The following ITFG1 variants were observed in gnomAD, a reference collection of about 807,000 sequenced individuals.
The protein encoded by ITFG1 is integrin alpha FG-GAP repeat containing 1.
In ITFG1, 34 loss-of-function variants were observed where a neutral mutation model predicts 81.8. The ratio of observed to expected loss-of-function variants is 0.42; its 90% CI spans 0.32 to 0.55. The LOEUF is 0.55. ITFG1 is among the 20% of genes least tolerant of loss of function. The probability of loss-of-function intolerance (pLI) is 0.17; values close to 1 mark genes in which losing one functional copy is unlikely to be tolerated. For missense variants in ITFG1, 672 were observed against 755.4 expected, an observed-to-expected ratio of 0.89 and a Z score of 1.29; for synonymous variants, 285 against 270.6, an observed-to-expected ratio of 1.05 and a Z score of -0.52.
intron 6 of ITFG1, 100 bp from the exon 7 acceptor site, chr16:47,376,040 A>C (rs939174737): frequency 1.6e-6 from 1 of 628,134 alleles, no homozygotes. Flanking sequence ...AATTGACACA[A>C]TTCTACTTAA....
intron 8 of ITFG1, among the ~76,000 whole-genome samples, chr16:47,345,310 TG>T (rs1967837787): frequency 6.6e-6 from 1 of 151,920 alleles, no homozygotes; most frequent in Non-Finnish European, 1.5e-5. Context: ...TTTGTTTGTT[TG>T]TTTTTTTTAG....
intron 5 of ITFG1, chr16:47,448,445 A>C (rs971385807): frequency 1.3e-5 from 2 of 152,178 alleles, no homozygotes; most frequent in African/African-American, 4.8e-5. Context: ...GATTGCTTTC[A>C]GTGCTACTTA....
intron 6 of ITFG1, among the ~76,000 whole-genome samples, chr16:47,415,997 G>T (rs1968869465): frequency 6.6e-6 from 1 of 152,156 alleles, no homozygotes; most frequent in Admixed American, 6.5e-5. Context: ...AGGGGGCTGA[G>T]GCAGGAGAAT....
At chr16:47,348,666 C>A (rs991745266) in intron 8 of ITFG1, among the ~76,000 whole-genome samples, 1 of 152,122 alleles carries the variant, frequency 6.6e-6, no homozygotes. Context: ...ACTTCCCCAA[C>A]CTAGCAAGGC....
At chr16:47,271,896 T>C (rs1282753197) in intron 10 of ITFG1, among the ~76,000 whole-genome samples, 4 of 152,042 alleles carry the variant, frequency 2.6e-5, no homozygotes, top group Non-Finnish European at 5.9e-5. Flanking sequence ...GTTCCACCTC[T>C]AAAGAATATT....
At chr16:47,181,487 G>A (rs1282031370) in intron 14 of ITFG1, among the ~76,000 whole-genome samples, 6 of 139,060 alleles carry the variant, frequency 4.3e-5, no homozygotes, top group South Asian at 4.6e-4. Context: ...CAGCCGCCCC[G>A]TCCGGGAGGG....
chr16:47,372,036 C>T (rs1480170977), intron 7 of ITFG1, among the ~76,000 whole-genome samples: 4 of 152,006 alleles, frequency 2.6e-5, no homozygotes, highest in Non-Finnish European at 5.9e-5. Flanking sequence ...ACCTCAGCCC[C>T]CCAGTAGCTG....
At chr16:47,383,120 T>C (rs1968416013) in intron 6 of ITFG1, among the ~76,000 whole-genome samples, 1 of 152,144 alleles carries the variant, frequency 6.6e-6, no homozygotes, top group African/African-American at 2.4e-5. Context: ...TATGGGTTAA[T>C]AGACATTAAT....
chr16:47,206,671 A>C lies in ITFG1; in HGVS notation c.1453+12197T>G, dbSNP rs1251051379. Among the ~76,000 whole-genome samples, 4 of 152,216 alleles carry C rather than the reference A, an allele frequency of 2.6e-5. No homozygotes were observed. The East Asian group carries it at 7.7e-4, about 29-fold the overall frequency. ...GCTTCTTTCATTTAGCAGGTATTCA[A>C]GGTTCTTCCTCAGATTTCACTCTTG... On this transcript the variant is annotated intron_variant, in intron 14 of 17. Coordinates refer to ENST00000320640, the MANE Select transcript of ITFG1 (RefSeq NM_030790.5).
At chr16:47,310,665 T>C (rs1967243850) in intron 10 of ITFG1, among the ~76,000 whole-genome samples, 1 of 152,226 alleles carries the variant, frequency 6.6e-6, no homozygotes, top group Non-Finnish European at 1.5e-5. Flanking sequence ...ATTTCCAGTG[T>C]CATTACAAAA....
intron 14 of ITFG1, among the ~76,000 whole-genome samples, chr16:47,206,261 C>A (rs1158456599): frequency 6.6e-6 from 1 of 152,176 alleles, no homozygotes; most frequent in Non-Finnish European, 1.5e-5. Flanking sequence ...CACATGATTA[C>A]CTCCCCCATC....
rs150812546 is a variant in ITFG1, at chr16:47,435,574, T to C, written c.561-6676A>G. Among the ~76,000 whole-genome samples the C allele has an allele frequency of 1.6e-3, 250 of 152,362 alleles. 2 individuals carry two copies. Among genetic ancestry groups the C allele is most frequent in the African/African-American group, 5.6e-3 (231 of 41,586 alleles). ...ATGTAATTAATGTCAGCTGTAGCTT[T>C]TGGTTGCCTGTGGTAACTGTTCTTC... On this transcript the variant is annotated intron_variant, in intron 5 of 17. Coordinates refer to ENST00000320640, the MANE Select transcript of ITFG1 (RefSeq NM_030790.5).
intron 14 of ITFG1, among the ~76,000 whole-genome samples, chr16:47,209,950 G>A (rs189143817): frequency 6.6e-6 from 1 of 152,246 alleles, no homozygotes; most frequent in Admixed American, 6.5e-5. Flanking sequence ...ATAAGCCACA[G>A]GAGGATGCCT....
At chr16:47,448,969 C>T (rs1969354811) in intron 5 of ITFG1, 1 of 152,176 alleles carries the variant, frequency 6.6e-6, no homozygotes, top group African/African-American at 2.4e-5. Flanking sequence ...GAGTGCCCTT[C>T]CTGTCCCTGT....
rs148382701 is a variant in ITFG1, at chr16:47,384,373, G to A, written c.656-8433C>T. ...CTGAAAATCAAACCTCTAACAGTAG[G>A]CACTTACGCTCCATCTAGTCTGGAA... On this transcript the variant is annotated intron_variant, in intron 6 of 17. Transcript: ENST00000320640. Among the ~76,000 whole-genome samples the A allele has an allele frequency of 1.3e-3, 198 of 152,302 alleles. 1 individual carries two copies. Among genetic ancestry groups the A allele is most frequent in the Non-Finnish European group, 2.4e-3 (160 of 68,026 alleles).
At chr16:47,339,966 C>T (rs1391117591) in intron 8 of ITFG1, among the ~76,000 whole-genome samples, 1 of 151,662 alleles carries the variant, frequency 6.6e-6, no homozygotes, top group African/African-American at 2.4e-5. Context: ...ACAGAAAAAA[C>T]AAACAAAAAA....
chr16:47,268,125 A>G (rs1966297851), intron 10 of ITFG1, among the ~76,000 whole-genome samples: 1 of 152,102 alleles, frequency 6.6e-6, no homozygotes, highest in South Asian at 2.1e-4. Flanking sequence ...AATAAAATTG[A>G]TAAGCCTTCA....
intron 8 of ITFG1, among the ~76,000 whole-genome samples, chr16:47,325,937 C>A (rs896608822): frequency 1.3e-5 from 2 of 152,128 alleles, no homozygotes; most frequent in Non-Finnish European, 2.9e-5. Flanking sequence ...CTACTCCAAT[C>A]AACACAAAAA....
chr16:47,380,884 T>C (rs914746178), intron 6 of ITFG1, among the ~76,000 whole-genome samples: 5 of 152,180 alleles, frequency 3.3e-5, no homozygotes, highest in African/African-American at 1.2e-4. Flanking sequence ...TCATGAAAAA[T>C]TCAGGATTTA....
Sources: allele counts gnomAD v4.1 joint callset (sites outside exome capture counted in the v4.1 genomes callset), GRCh38; gene constraint gnomAD v4.1.1; transcripts MANE v1.5; gene names NCBI Gene and HGNC (gene_info 2026-07-23, HGNC 2026-07-21).